Variants in SENP6 observed in about 807,000 individuals in gnomAD.
SENP6 encodes SUMO specific peptidase 6, also known as sentrin-specific protease 6.
Under a neutral mutation model 134.5 loss-of-function variants are expected in SENP6, and 41 were observed. The ratio of observed to expected loss-of-function variants is 0.30; its 90% CI spans 0.24 to 0.40. The LOEUF (loss-of-function observed/expected upper bound fraction) is 0.40. SENP6 is among the 10% of genes least tolerant of loss of function. The pLI is 1.00. For missense variants in SENP6, 1,248 were observed against 1,312.5 expected (o/e 0.95, Z 0.76); for synonymous variants, 395 against 429.8 (o/e 0.92, Z 1.00).
chr6:75,633,463 C>G, intron 3 of SENP6, 118 bp from the exon 4 acceptor site: 1 of 796,764 alleles, frequency 1.3e-6, no homozygotes, highest in Non-Finnish European at 1.9e-6. Context: ...CCAATGCTAT[C>G]CACCATCATT....
chr6:75,675,607 T>C, intron 12 of SENP6, 139 bp downstream of exon 12: 1 of 676,122 alleles, frequency 1.5e-6, no homozygotes, highest in South Asian at 2.0e-5. Context: ...AAAGGGCATA[T>C]ATCTTGGTGT....
At chr6:75,709,708 A>C (rs1775640585) in intron 20 of SENP6, 78 bp downstream of exon 20, 1 of 957,060 alleles carries the variant, frequency 1.0e-6, no homozygotes, top group South Asian at 1.5e-5. Context: ...GGTGGTGCAC[A>C]CCTGTAGTCC....
intron 7 of SENP6, among the ~76,000 whole-genome samples, chr6:75,652,698 A>AAAAAAAAAAAAAAAAAAAAAAAAG (rs1554166656): frequency 6.7e-6 from 1 of 148,712 alleles, no homozygotes; most frequent in African/African-American, 2.5e-5. Context: ...AAAAAAAAAA[A>AAAAAAAAAAAAAAAAAAAAAAAAG]AAAAAGAAAA....
intron 12 of SENP6, 21 bp from the exon 13 acceptor site, chr6:75,675,839 A>G: frequency 1.3e-6 from 2 of 1,552,818 alleles, no homozygotes; most frequent in South Asian, 1.2e-5. Context: ...TTATTTTTCC[A>G]TTTCATTTGT....
chr6:75,642,660 A>G lies in SENP6; in HGVS notation c.479+1956A>G, dbSNP rs1374023886. Among the ~76,000 whole-genome samples the G allele has an allele frequency of 2.0e-5, 3 of 152,372 alleles. No individual in the cohort carries two copies. The East Asian group carries it at 5.8e-4, about 29-fold the overall frequency. Reference sequence around the variant, plus strand: ...GTGATCTGAAGCATTTGGATTTTATATTAGTGCGATAGAAGCTTTCAGAGC... The same window carrying G: ...GTGATCTGAAGCATTTGGATTTTATGTTAGTGCGATAGAAGCTTTCAGAGC... On this transcript the variant is annotated intron_variant, in intron 6 of 23. Coordinates refer to ENST00000447266, the MANE Select transcript of SENP6 (RefSeq NM_015571.4).
rs749251019 is a variant in SENP6, at chr6:75,715,365, G to T, written c.3130-20G>T. Reference sequence around the variant, plus strand: ...GTTATTTATTACAGTTTTCTAATACGCATTTAATTGTATTTTCAGAATCCA... The same window carrying T: ...GTTATTTATTACAGTTTTCTAATACTCATTTAATTGTATTTTCAGAATCCA... On this transcript the variant is annotated intron_variant, in intron 23 of 23. Coordinates refer to ENST00000447266, the MANE Select transcript of SENP6 (RefSeq NM_015571.4). The T allele has an allele frequency of 9.9e-6, 15 of 1,513,210 alleles. No homozygotes were observed. The highest frequency in any genetic ancestry group is 2.3e-5 in the East Asian group (1 of 44,276). 93.7% of individuals were successfully genotyped at this position (1,513,210 alleles called of 1,614,324 possible). A position where few individuals can be genotyped will look rare whatever the true frequency, so the allele number is the denominator to read the frequency against.
chr6:75,681,889 CAAGG>C (rs543696577), intron 16 of SENP6, among the ~76,000 whole-genome samples: 1 of 151,604 alleles, frequency 6.6e-6, no homozygotes, highest in Non-Finnish European at 1.5e-5. Context: ...ATATAAAAAA[CAAGG>C]AAGAAACAAA....
intron 9 of SENP6, among the ~76,000 whole-genome samples, chr6:75,666,146 A>G (rs1430428449): frequency 1.7e-5 from 2 of 114,436 alleles, no homozygotes; most frequent in African/African-American, 5.9e-5. Context: ...TATGATATAT[A>G]TAAAACATAT....
intron 12 of SENP6, 89 bp downstream of exon 12, chr6:75,675,557 A>G (rs1283082818): frequency 2.5e-6 from 2 of 803,046 alleles, no homozygotes; most frequent in African/African-American, 3.6e-5. Flanking sequence ...TATTCATAGA[A>G]TTTATTAAGA....
At chr6:75,643,802 A>G (rs1216022310) in intron 6 of SENP6, among the ~76,000 whole-genome samples, 2 of 152,224 alleles carry the variant, frequency 1.3e-5, no homozygotes, top group Non-Finnish European at 2.9e-5. Context: ...TTAAATAGGA[A>G]TAATGAATTT....
intron 21 of SENP6, among the ~76,000 whole-genome samples, chr6:75,712,152 T>C (rs1775787467): frequency 6.6e-6 from 1 of 152,120 alleles, no homozygotes; most frequent in Non-Finnish European, 1.5e-5. Flanking sequence ...GAACTCCAAA[T>C]AAGGGTGAGT....
At chr6:75,615,135 C>A (rs1469832169) in intron 1 of SENP6, among the ~76,000 whole-genome samples, 1 of 152,138 alleles carries the variant, frequency 6.6e-6, no homozygotes, top group Non-Finnish European at 1.5e-5. Flanking sequence ...AAGTGATTCA[C>A]CCACCTTGGC....
chr6:75,624,179 T>TA (rs759311553), intron 3 of SENP6, among the ~76,000 whole-genome samples: 6 of 152,182 alleles, frequency 3.9e-5, no homozygotes, highest in Non-Finnish European at 5.9e-5. Flanking sequence ...ATTGGTAATA[T>TA]ACTGTGCATG....
At chr6:75,642,720 A>G (rs1770125245) in intron 6 of SENP6, among the ~76,000 whole-genome samples, 1 of 152,228 alleles carries the variant, frequency 6.6e-6, no homozygotes, top group African/African-American at 2.4e-5. Context: ...CCTGATAAAT[A>G]TTTGAGATTT....
In SENP6 at chr6:75,716,628, A is replaced by G. The variant is rs1022168531; in HGVS notation, c.*1034A>G. On this transcript the variant is annotated 3_prime_UTR_variant, in exon 24 of 24. Coordinates refer to ENST00000447266, the MANE Select transcript of SENP6 (RefSeq NM_015571.4). ...AAAAATCTTTGAATTCCCCTTTAAA[A>G]TAACTAAAATTTGATGGTTTCCATG... 1 of 151,980 alleles carries G rather than the reference A, an allele frequency of 6.6e-6. No individual in the cohort carries two copies. Among genetic ancestry groups the G allele is most frequent in the African/African-American group, 2.4e-5 (1 of 41,440 alleles). The allele number at this position is 151,980 out of a possible 1,614,324, so 9.4% of individuals were successfully genotyped here. A position where few individuals can be genotyped will look rare whatever the true frequency, so the allele number is the denominator to read the frequency against.
intron 1 of SENP6, chr6:75,611,684 A>G (rs1466224267): frequency 1.3e-5 from 2 of 152,194 alleles, no homozygotes; most frequent in African/African-American, 4.8e-5. Context: ...TCAGCTTGAG[A>G]TAAGTGTATT....
At chr6:75,694,677 G>A (rs1774531175) in intron 16 of SENP6, among the ~76,000 whole-genome samples, 1 of 151,900 alleles carries the variant, frequency 6.6e-6, no homozygotes, top group Non-Finnish European at 1.5e-5. Flanking sequence ...TCTTTTAGTT[G>A]GCATGTTTTC....
chr6:75,685,971 A>T (rs1209942921), intron 16 of SENP6, among the ~76,000 whole-genome samples: 2 of 152,124 alleles, frequency 1.3e-5, no homozygotes, highest in African/African-American at 2.4e-5. Flanking sequence ...TGTCTCGTTG[A>T]TCTGTCTAAT....
intron 16 of SENP6, among the ~76,000 whole-genome samples, chr6:75,689,217 G>GAGC (rs1774062843): frequency 6.6e-6 from 1 of 150,750 alleles, no homozygotes; most frequent in African/African-American, 2.4e-5. Flanking sequence ...CTGGGTGACA[G>GAGC]AGCAAGACAC....
Sources: allele counts gnomAD v4.1 joint callset (sites outside exome capture counted in the v4.1 genomes callset), GRCh38; gene constraint gnomAD v4.1.1; transcripts MANE v1.5; gene names NCBI Gene and HGNC (gene_info 2026-07-23, HGNC 2026-07-21).